The following TAFA2 variants were observed in gnomAD, a reference collection of about 807,000 sequenced individuals.
TAFA2 encodes chemokine-like protein TAFA-2.
A neutral mutation model predicts 18.8 loss-of-function variants in TAFA2; 7 were observed. The observed-to-expected ratio is 0.37, with a 90% CI of 0.21 to 0.70. The LOEUF is 0.70. Among genes scored for constraint, TAFA2 ranks in the 30% least tolerant of loss-of-function variants. The probability of loss-of-function intolerance (pLI) is 0.53; values close to 1 mark genes in which losing one functional copy is unlikely to be tolerated. For missense variants in TAFA2, 122 were observed against 158.1 expected, an observed-to-expected ratio of 0.77 and a Z score of 1.23; for synonymous variants, 60 against 54.2, an observed-to-expected ratio of 1.11 and a Z score of -0.47.
intron 1 of TAFA2, among the ~76,000 whole-genome samples, chr12:61,981,716 C>T (rs1202096623): frequency 1.3e-5 from 2 of 152,218 alleles, no homozygotes; most frequent in Non-Finnish European, 2.9e-5. Flanking sequence ...AAATGCTTAT[C>T]ATCACTGGTC....
chr12:61,850,219 A>G (rs935042896), intron 2 of TAFA2, among the ~76,000 whole-genome samples: 1 of 152,114 alleles, frequency 6.6e-6, no homozygotes, highest in Non-Finnish European at 1.5e-5. Flanking sequence ...AGCTCCTCAG[A>G]GGGCAAAATT....
chr12:61,745,864 G>A (rs189281007), intron 4 of TAFA2, among the ~76,000 whole-genome samples: 6 of 152,118 alleles, frequency 3.9e-5, no homozygotes, highest in Middle Eastern at 6.8e-3. Flanking sequence ...GAGCCCACAA[G>A]AGAAATGCAG....
chr12:62,123,660 T>C (rs1870312476), intron 1 of TAFA2, among the ~76,000 whole-genome samples: 1 of 141,616 alleles, frequency 7.1e-6, no homozygotes, highest in Non-Finnish European at 1.5e-5. Flanking sequence ...CACTTTATAC[T>C]TCTTCATTCT....
chr12:61,843,874 T>C (rs1382113503), intron 2 of TAFA2, among the ~76,000 whole-genome samples: 1 of 152,150 alleles, frequency 6.6e-6, no homozygotes, highest in Non-Finnish European at 1.5e-5. Flanking sequence ...AGGAGCATTG[T>C]AAAGGGGAGT....
At chr12:61,873,244 G>T (rs1874696637) in intron 1 of TAFA2, among the ~76,000 whole-genome samples, 1 of 151,962 alleles carries the variant, frequency 6.6e-6, no homozygotes, top group African/African-American at 2.4e-5. Flanking sequence ...ATGAGGAAAT[G>T]GAAACAAAGA....
intron 1 of TAFA2, among the ~76,000 whole-genome samples, chr12:62,218,918 G>A (rs1008275054): frequency 1.3e-5 from 2 of 151,996 alleles, no homozygotes; most frequent in Admixed American, 1.3e-4. Context: ...TATCATACTT[G>A]CAAAGTAGCT....
At chr12:61,947,810 G>A (rs1016708871) in intron 1 of TAFA2, among the ~76,000 whole-genome samples, 4 of 152,162 alleles carry the variant, frequency 2.6e-5, no homozygotes, top group African/African-American at 9.7e-5. Flanking sequence ...ACTGAAGCAA[G>A]GGTGTGCAAT....
intron 1 of TAFA2, among the ~76,000 whole-genome samples, chr12:62,168,814 A>G (rs906787006): frequency 1.3e-5 from 2 of 152,032 alleles, no homozygotes; most frequent in East Asian, 3.9e-4. Flanking sequence ...TCCAGCCTAG[A>G]CAACAGAGCA....
chr12:62,221,090 C>G (rs190252896), intron 1 of TAFA2, among the ~76,000 whole-genome samples: 3 of 147,620 alleles, frequency 2.0e-5, no homozygotes, highest in Non-Finnish European at 4.5e-5. Flanking sequence ...AGCGACAGAG[C>G]GAGACTCCGT....
At chr12:62,150,619 CT>C in intron 1 of TAFA2, among the ~76,000 whole-genome samples, 1 of 152,072 alleles carries the variant, frequency 6.6e-6, no homozygotes, top group Admixed American at 6.6e-5. Context: ...AGTAGCAAAC[CT>C]GGCTGGGCAT....
At chr12:61,933,713 A>G (rs190232051) in intron 1 of TAFA2, among the ~76,000 whole-genome samples, 8 of 152,248 alleles carry the variant, frequency 5.3e-5, no homozygotes, top group Admixed American at 3.3e-4. Flanking sequence ...ACAGAGACAG[A>G]CCCTGTCTCT....
intron 1 of TAFA2, among the ~76,000 whole-genome samples, chr12:62,166,622 G>C (rs2062442125): frequency 6.6e-6 from 1 of 151,918 alleles, no homozygotes; most frequent in African/African-American, 2.4e-5. Flanking sequence ...TGCAAGGATT[G>C]CAAAATAGCT....
intron 2 of TAFA2, among the ~76,000 whole-genome samples, chr12:61,789,680 T>TA (rs913821450): frequency 2.0e-5 from 3 of 151,736 alleles, no homozygotes; most frequent in Non-Finnish European, 4.4e-5. Context: ...TCCCAGAACT[T>TA]AAAGTATAAT....
At chr12:62,098,725 C>T (rs1869056205) in intron 1 of TAFA2, among the ~76,000 whole-genome samples, 1 of 152,104 alleles carries the variant, frequency 6.6e-6, no homozygotes, top group Non-Finnish European at 1.5e-5. Context: ...TACTCAAATC[C>T]TTAAGAATTA....
At chr12:62,063,035 T>G (rs1471627766) in intron 1 of TAFA2, among the ~76,000 whole-genome samples, 1 of 152,116 alleles carries the variant, frequency 6.6e-6, no homozygotes, top group Non-Finnish European at 1.5e-5. Context: ...AGGGCATATC[T>G]AGATAATCTA....
chr12:62,058,620 T>TC (rs869306683), intron 1 of TAFA2, among the ~76,000 whole-genome samples: 4 of 147,378 alleles, frequency 2.7e-5, no homozygotes, highest in Non-Finnish European at 6.1e-5. Context: ...TTTTCTCACC[T>TC]CCCCCCTTTT....
At chr12:61,744,001 A>G (rs1868578690) in intron 4 of TAFA2, among the ~76,000 whole-genome samples, 1 of 152,082 alleles carries the variant, frequency 6.6e-6, no homozygotes, top group Non-Finnish European at 1.5e-5. Flanking sequence ...TTCTTTTATT[A>G]AGCCATTTTA....
At chr12:62,247,138 T>A (rs1478342715) in intron 1 of TAFA2, among the ~76,000 whole-genome samples, 1 of 152,180 alleles carries the variant, frequency 6.6e-6, no homozygotes, top group Admixed American at 6.5e-5. Context: ...CTGTATTATT[T>A]CCCCCTTCTA....
intron 2 of TAFA2, among the ~76,000 whole-genome samples, chr12:61,851,815 A>AAAAC: frequency 3.1e-5 from 4 of 129,800 alleles, no homozygotes; most frequent in Admixed American, 8.0e-5. Context: ...AAAAAAAAAA[A>AAAAC]AAACATGTTC....
Sources: gnomAD v4.1 joint callset for allele counts (sites outside exome capture counted in the v4.1 genomes callset) on GRCh38, gnomAD v4.1.1 for gene constraint, MANE v1.5 for transcripts, NCBI Gene and HGNC (gene_info 2026-07-23, HGNC 2026-07-21) for gene names.